CTNNA3: variants seen among roughly 807,000 people sequenced by gnomAD.
The protein encoded by CTNNA3 is catenin alpha 3, also known as catenin alpha-3.
Under a neutral mutation model 95.7 loss-of-function variants are expected in CTNNA3, and 76 were observed. The ratio of observed to expected loss-of-function variants is 0.79; its 90% CI spans 0.66 to 0.96. CTNNA3 has a LOEUF of 0.96. Ranked by LOEUF, CTNNA3 falls within the 40% of genes least tolerant of loss-of-function variation. The pLI, the probability that CTNNA3 is intolerant of heterozygous loss-of-function variation, is 0.00. For missense variants in CTNNA3, 1,191 were observed against 1,089.8 expected (o/e 1.09, Z -1.31); for synonymous variants, 431 against 374.4 (o/e 1.15, Z -1.74).
chr10:67,385,588 G>C (rs376160179), intron 5 of CTNNA3, among the ~76,000 whole-genome samples: 3 of 152,134 alleles, frequency 2.0e-5, no homozygotes, highest in East Asian at 3.8e-4. Context: ...TATGTGTATA[G>C]TTAAAAACAC....
chr10:66,359,322 T>A (rs2092635929), intron 12 of CTNNA3, among the ~76,000 whole-genome samples: 1 of 152,114 alleles, frequency 6.6e-6, no homozygotes, highest in Admixed American at 6.6e-5. Context: ...TTTTTTATTA[T>A]AGAAGGAGAT....
intron 13 of CTNNA3, among the ~76,000 whole-genome samples, chr10:66,155,543 C>A (rs544266404): frequency 2.4e-4 from 36 of 151,700 alleles, no homozygotes; most frequent in African/African-American, 8.7e-4. Flanking sequence ...AGAAACAAAC[C>A]CACACACGTT....
chr10:67,718,648 G>T (rs973290913), intron 1 of CTNNA3, among the ~76,000 whole-genome samples: 6 of 152,152 alleles, frequency 3.9e-5, no homozygotes, highest in African/African-American at 1.4e-4. Flanking sequence ...TGCATCCCAG[G>T]GATGAAGCCC....
intron 7 of CTNNA3, among the ~76,000 whole-genome samples, chr10:66,815,375 G>A (rs962167534): frequency 1.3e-5 from 2 of 152,106 alleles, no homozygotes; most frequent in Admixed American, 6.6e-5. Context: ...TCACTTCGCT[G>A]GTGAGAATCA....
intron 12 of CTNNA3, among the ~76,000 whole-genome samples, chr10:66,377,664 A>C (rs911936719): frequency 1.3e-5 from 2 of 151,888 alleles, no homozygotes; most frequent in East Asian, 1.9e-4. Context: ...TAAAAAAAAA[A>C]CCCCTGTTAC....
intron 7 of CTNNA3, among the ~76,000 whole-genome samples, chr10:67,053,552 C>T (rs574943962): frequency 3.3e-4 from 50 of 152,268 alleles, no homozygotes; most frequent in African/African-American, 1.1e-3. Context: ...ATAGTTCCTC[C>T]ATTATCTATC....
At chr10:66,662,587 C>T (rs6480196) in intron 9 of CTNNA3, among the ~76,000 whole-genome samples, 99,603 of 152,012 alleles carry the variant, frequency 0.66, 33,468 homozygotes, top group East Asian at 0.95. Flanking sequence ...CCATGGCCTT[C>T]CTTCCTCTGT....
At chr10:67,203,719 C>T (rs761760615) in intron 6 of CTNNA3, among the ~76,000 whole-genome samples, 1 of 152,170 alleles carries the variant, frequency 6.6e-6, no homozygotes, top group Non-Finnish European at 1.5e-5. Flanking sequence ...CACATCATTA[C>T]TGATTAATCT....
chr10:66,154,936 T>C (rs1038764921), intron 13 of CTNNA3, among the ~76,000 whole-genome samples: 1 of 151,406 alleles, frequency 6.6e-6, no homozygotes, highest in Admixed American at 6.6e-5. Flanking sequence ...ACATTTTCTA[T>C]AAACAGCCAG....
intron 3 of CTNNA3, among the ~76,000 whole-genome samples, chr10:67,597,719 C>T (rs1842969554): frequency 6.6e-6 from 1 of 152,146 alleles, no homozygotes; most frequent in Admixed American, 6.5e-5. Flanking sequence ...GGTTCATGCT[C>T]ACATGTGTGC....
At chr10:66,961,981 G>A (rs537448278) in intron 7 of CTNNA3, among the ~76,000 whole-genome samples, 1 of 152,256 alleles carries the variant, frequency 6.6e-6, no homozygotes, top group South Asian at 2.1e-4. Context: ...ACTCCACGCT[G>A]TAAATGTAAC....
At chr10:66,105,634 G>C (rs2081864171) in intron 13 of CTNNA3, among the ~76,000 whole-genome samples, 1 of 152,210 alleles carries the variant, frequency 6.6e-6, no homozygotes, top group South Asian at 2.1e-4. Flanking sequence ...TGTACGAAGA[G>C]ATAAGCCTAC....
intron 7 of CTNNA3, among the ~76,000 whole-genome samples, chr10:67,166,857 A>G (rs1861790108): frequency 6.6e-6 from 1 of 152,228 alleles, no homozygotes; most frequent in Non-Finnish European, 1.5e-5. Flanking sequence ...CTGTAATCCC[A>G]GAACTCTGGG....
intron 11 of CTNNA3, among the ~76,000 whole-genome samples, chr10:66,424,472 G>A (rs1292116731): frequency 6.6e-6 from 1 of 151,934 alleles, no homozygotes; most frequent in Non-Finnish European, 1.5e-5. Flanking sequence ...GACGCATTCA[G>A]TTGCATTCCA....
chr10:66,900,919 G>A lies in CTNNA3; in HGVS notation c.1048-125395C>T, dbSNP rs192615962. ...ACATCTGATTGGTGTACCTGAAAGT[G>A]ACACGGAGAATGGAACCAAATTAGA... is the stretch of plus-strand genomic sequence containing the variant. On this transcript the variant is annotated intron_variant, in intron 7 of 17. Transcript: ENST00000433211. Among the ~76,000 whole-genome samples the A allele has an allele frequency of 1.5e-4, 23 of 152,328 alleles. No individual in the cohort carries two copies. In the South Asian group the frequency reaches 1.7e-3, roughly 11 times the overall value.
At position 67,311,064 on chromosome 10, in the gene CTNNA3, A is replaced by T. The variant is rs78892457; in HGVS notation, c.580-91194T>A. The stretch of plus-strand genomic sequence containing the variant: ...TAACTAGTATAAAGGAATTTACAAA[A>T]TTATAATTTATGAGGTTTATTCTGT... On this transcript the variant is annotated intron_variant, in intron 5 of 17. Transcript: ENST00000433211. Among the ~76,000 whole-genome samples the T allele has an allele frequency of 0.019, 2,865 of 152,292 alleles. 236 individuals are homozygous for T. In the East Asian group the frequency reaches 0.26, roughly 14 times the overall value.
intron 12 of CTNNA3, among the ~76,000 whole-genome samples, chr10:66,325,977 G>T (rs561923008): frequency 6.6e-6 from 1 of 152,202 alleles, no homozygotes; most frequent in African/African-American, 2.4e-5. Context: ...TTGAAAAATG[G>T]CTGATAAAAA....
chr10:66,301,173 T>A (rs1269917413), intron 12 of CTNNA3, among the ~76,000 whole-genome samples: 1 of 151,932 alleles, frequency 6.6e-6, no homozygotes, highest in African/African-American at 2.4e-5. Context: ...GGAGATTGGA[T>A]CAATAATTAA....
intron 5 of CTNNA3, among the ~76,000 whole-genome samples, chr10:67,466,697 G>A (rs188830650): frequency 3.9e-5 from 6 of 152,074 alleles, no homozygotes; most frequent in South Asian, 4.1e-4. Context: ...GATGTCAAGC[G>A]GTGTTTGAAA....
Sources: allele counts gnomAD v4.1 joint callset (sites outside exome capture counted in the v4.1 genomes callset), GRCh38; gene constraint gnomAD v4.1.1; transcripts MANE v1.5; gene names NCBI Gene and HGNC (gene_info 2026-07-23, HGNC 2026-07-21).